The following HDAC8 variants were observed in gnomAD, a reference collection of about 807,000 sequenced individuals.
HDAC8 encodes the protein histone deacetylase-like 1.
In HDAC8, 1 loss-of-function variant was observed where a neutral mutation model predicts 32.2. The ratio of observed to expected loss-of-function variants is 0.03; its 90% CI spans 0.01 to 0.15. The LOEUF is 0.15. Ranked by LOEUF, HDAC8 falls within the 10% of genes least tolerant of loss-of-function variation. The pLI, the probability that HDAC8 is intolerant of heterozygous loss-of-function variation, is 1.00. For missense variants in HDAC8, 117 were observed against 300.0 expected, an observed-to-expected ratio of 0.39 and a Z score of 4.51; for synonymous variants, 108 against 113.9, an observed-to-expected ratio of 0.95 and a Z score of 0.33.
chrX:72,422,467 T>C (rs2046520624), intron 9 of HDAC8, among the ~76,000 whole-genome samples: 1 of 110,858 alleles, frequency 9.0e-6, no homozygotes, highest in Non-Finnish European at 1.9e-5. Context: ...TATCCTTGAA[T>C]GCCAGGAGCT....
intron 9 of HDAC8, among the ~76,000 whole-genome samples, chrX:72,373,710 C>T (rs908223840): frequency 8.9e-6 from 1 of 111,850 alleles, no homozygotes; most frequent in Non-Finnish European, 1.9e-5. Context: ...TGGTTATATA[C>T]CTAGGAATAG....
intron 7 of HDAC8, among the ~76,000 whole-genome samples, chrX:72,482,273 T>C (rs1556003535): frequency 1.8e-5 from 2 of 111,901 alleles, no homozygotes; most frequent in African/African-American, 6.5e-5. Flanking sequence ...ATGAAAAAGA[T>C]GTAATTCCAT....
intron 9 of HDAC8, among the ~76,000 whole-genome samples, chrX:72,432,824 C>T (rs1389929173): frequency 1.8e-5 from 2 of 111,554 alleles, no homozygotes; most frequent in African/African-American, 6.5e-5. Context: ...ATTGTAGCCC[C>T]AGCACTTGGC....
rs782647503 is a variant in HDAC8, at chrX:72,338,571, T to C, written c.1112-8495A>G. Reference sequence around the variant, plus strand: ...ACTGTTGAAAAATGTTTCCAAAACTTCTGTCATATGAGTACCTCTTTTAGG... The same window carrying C: ...ACTGTTGAAAAATGTTTCCAAAACTCCTGTCATATGAGTACCTCTTTTAGG... On this transcript the variant is annotated intron_variant, in intron 10 of 10. Transcript: ENST00000373573. Among the ~76,000 whole-genome samples, 423 of 105,612 alleles carry C rather than the reference T, an allele frequency of 4.0e-3. 1 individual carries two copies. Among genetic ancestry groups the C allele is most frequent in the Middle Eastern group, 0.024 (5 of 208 alleles). 91.7% of individuals were successfully genotyped at this position (105,612 alleles called of 115,157 possible). A position where few individuals can be genotyped will look rare whatever the true frequency, so the allele number is the denominator to read the frequency against.
intron 10 of HDAC8, among the ~76,000 whole-genome samples, chrX:72,335,864 G>T (rs1337938479): frequency 9.3e-6 from 1 of 107,040 alleles, no homozygotes; most frequent in Admixed American, 1.0e-4. Context: ...AGCTATGATT[G>T]TGCCACTGCA....
intron 9 of HDAC8, among the ~76,000 whole-genome samples, chrX:72,440,550 G>T (rs2147976802): frequency 8.9e-6 from 1 of 111,994 alleles, no homozygotes; most frequent in African/African-American, 3.2e-5. Flanking sequence ...CTGGTTTTTT[G>T]AAAAATCAAC....
At chrX:72,354,161 C>T (rs782069659) in intron 9 of HDAC8, among the ~76,000 whole-genome samples, 11 of 112,197 alleles carry the variant, frequency 9.8e-5, no homozygotes, top group East Asian at 5.6e-4. Context: ...ACTAACTGAG[C>T]GACACGGTAG....
chrX:72,453,289 T>C (rs2047621281), intron 9 of HDAC8, among the ~76,000 whole-genome samples: 1 of 108,763 alleles, frequency 9.2e-6, no homozygotes, highest in Non-Finnish European at 1.9e-5. Context: ...TGAGAGCTTG[T>C]CTCTACAAAA....
chrX:72,456,947 C>T lies in HDAC8; in HGVS notation c.1005+5057G>A, dbSNP rs181929352. ...ACAACAGGCCAACATCCCTTATCAA[C>T]ATAGACACAAAAAAACCTTGACCAA... is the stretch of plus-strand genomic sequence containing the variant. On this transcript the variant is annotated intron_variant, in intron 9 of 10. Coordinates refer to ENST00000373573, the MANE Select transcript of HDAC8 (RefSeq NM_018486.3). Among the ~76,000 whole-genome samples, 37 of 111,425 alleles carry T rather than the reference C, an allele frequency of 3.3e-4. 1 individual carries two copies. The highest frequency in any genetic ancestry group is 1.1e-3 in the African/African-American group (34 of 30,668).
At position 72,329,930 on chromosome X, in the gene HDAC8, T is replaced by C. The variant is rs782227660; in HGVS notation, c.*124A>G. 134 of 881,437 alleles carry C rather than the reference T, an allele frequency of 1.5e-4. No homozygotes were observed. Among genetic ancestry groups the C allele is most frequent in the Middle Eastern group, 1.1e-3 (4 of 3,650 alleles). The allele number at this position is 881,437 out of a possible 1,213,427, so 72.6% of individuals were successfully genotyped here. On this transcript the variant is annotated 3_prime_UTR_variant, in exon 11 of 11. Transcript: ENST00000373573. Reference sequence around the variant, plus strand: ...GCCACTTGATGCCCCTTGGAAATTTTCAGGAAGTAATTTCTTTCAAATTTT... The same window carrying C: ...GCCACTTGATGCCCCTTGGAAATTTCCAGGAAGTAATTTCTTTCAAATTTT...
At chrX:72,487,037 C>T (rs1300252013) in intron 7 of HDAC8, among the ~76,000 whole-genome samples, 2 of 111,733 alleles carry the variant, frequency 1.8e-5, no homozygotes, top group Non-Finnish European at 3.8e-5. Flanking sequence ...GCAAAGGGGC[C>T]CTGGGAACTA....
chrX:72,571,150 T>A, intron 2 of HDAC8, among the ~76,000 whole-genome samples: 1 of 111,405 alleles, frequency 9.0e-6, no homozygotes, highest in Non-Finnish European at 1.9e-5. Context: ...GGTCTTGATC[T>A]CCTGAGCTCA....
rs782565646 is a variant in HDAC8, at chrX:72,329,654, C to A, written c.*400G>T. ...CACCTGGATGGTCCTGAGGCCCAAA[C>A]CCTGCCTGTCAGCTGCCTCCTGCCC... On this transcript the variant is annotated 3_prime_UTR_variant, in exon 11 of 11. Coordinates refer to ENST00000373573, the MANE Select transcript of HDAC8 (RefSeq NM_018486.3). The A allele has an allele frequency of 4.2e-6, 5 of 1,182,673 alleles. No homozygotes were observed. Among genetic ancestry groups the A allele is most frequent in the Non-Finnish European group, 5.7e-6 (5 of 880,254 alleles).
intron 7 of HDAC8, among the ~76,000 whole-genome samples, chrX:72,487,537 GTGA>G (rs1384651224): frequency 3.6e-5 from 4 of 110,318 alleles, no homozygotes; most frequent in East Asian, 5.7e-4. Flanking sequence ...CACATGTAAA[GTGA>G]TCCATTTAGG....
intron 4 of HDAC8, among the ~76,000 whole-genome samples, chrX:72,507,656 CT>C (rs1188265609): frequency 1.8e-5 from 2 of 111,936 alleles, no homozygotes; most frequent in Non-Finnish European, 3.8e-5. Context: ...AATATTCCCC[CT>C]ATTGCAATAC....
intron 9 of HDAC8, among the ~76,000 whole-genome samples, chrX:72,403,477 T>C (rs2045959562): frequency 8.9e-6 from 1 of 112,027 alleles, no homozygotes; most frequent in Admixed American, 9.5e-5. Context: ...ATATAGGTTA[T>C]GAACATAAAA....
At chrX:72,508,095 C>G (rs1439363909) in intron 4 of HDAC8, among the ~76,000 whole-genome samples, 2 of 112,178 alleles carry the variant, frequency 1.8e-5, no homozygotes, top group Non-Finnish European at 3.8e-5. Flanking sequence ...ATCTTTTATG[C>G]CAGTACTGGT....
chrX:72,479,409 T>C (rs1019663973), intron 7 of HDAC8, among the ~76,000 whole-genome samples: 4 of 111,426 alleles, frequency 3.6e-5, no homozygotes, highest in Admixed American at 2.9e-4. Flanking sequence ...AGCAGAGTTA[T>C]GTTAAAGGGT....
intron 7 of HDAC8, among the ~76,000 whole-genome samples, chrX:72,485,391 A>C (rs781811875): frequency 2.0e-4 from 22 of 111,943 alleles, no homozygotes; most frequent in Non-Finnish European, 3.9e-4. Context: ...GGAAATGTTC[A>C]TGTAAAGATT....
Sources: allele counts gnomAD v4.1 joint callset (sites outside exome capture counted in the v4.1 genomes callset), GRCh38; gene constraint gnomAD v4.1.1; transcripts MANE v1.5; gene names NCBI Gene and HGNC (gene_info 2026-07-23, HGNC 2026-07-21).